STK10: variants seen among roughly 807,000 people sequenced by gnomAD.
STK10 encodes serine/threonine-protein kinase 10.
A neutral mutation model predicts 113.8 loss-of-function variants in STK10; 78 were observed. The ratio of observed to expected loss-of-function variants is 0.69; its 90% CI spans 0.57 to 0.83. The LOEUF (loss-of-function observed/expected upper bound fraction) is 0.83, where lower values mean the gene tolerates loss of function less well. STK10 is among the 40% of genes least tolerant of loss of function. The pLI is 0.00. For missense variants in STK10, 1,109 were observed against 1,280.1 expected, an observed-to-expected ratio of 0.87 and a Z score of 2.04; for synonymous variants, 465 against 494.7, an observed-to-expected ratio of 0.94 and a Z score of 0.80.
At chr5:172,128,628 A>T (rs1401480814) in intron 2 of STK10, among the ~76,000 whole-genome samples, 1 of 151,884 alleles carries the variant, frequency 6.6e-6, no homozygotes, top group Non-Finnish European at 1.5e-5. Context: ...ACCCTGCCTG[A>T]CCTCTTTTTT....
In STK10 at chr5:172,133,414, G is replaced by C. The variant is rs930252394; in HGVS notation, c.322-5993C>G. Among the ~76,000 whole-genome samples, 3 of 152,152 alleles carry C rather than the reference G, an allele frequency of 2.0e-5. No individual in the cohort carries two copies. Among genetic ancestry groups the C allele is most frequent in the African/African-American group, 7.2e-5 (3 of 41,414 alleles). On this transcript the variant is annotated intron_variant, in intron 2 of 18. Coordinates refer to ENST00000176763, the MANE Select transcript of STK10 (RefSeq NM_005990.4). This position sits in a 1 kb window ranked among gnomAD's most constrained non-coding sequence, Gnocchi z 4.9. ...ATACACCATGTCTTCCTTCCCCTTTGTGAAATAGCCATGAGAACTGGGTAG... is the reference window on the plus strand; with the variant it reads ...ATACACCATGTCTTCCTTCCCCTTTCTGAAATAGCCATGAGAACTGGGTAG...
chr5:172,151,624 G>A (rs1245250290), intron 2 of STK10, among the ~76,000 whole-genome samples: 1 of 152,090 alleles, frequency 6.6e-6, no homozygotes, highest in African/African-American at 2.4e-5. Flanking sequence ...GATTACAGGC[G>A]TGAGCCACTG....
Position 172,160,179 on chromosome 5 carries a change from C to T in STK10, c.157-3391G>A, listed in dbSNP as rs181897215. Reference sequence around the variant, plus strand: ...AAAAAACCACAAACACATTTCCCTACAAAATGGCCCCTAGCCAGGTGCGGT... The same window carrying T: ...AAAAAACCACAAACACATTTCCCTATAAAATGGCCCCTAGCCAGGTGCGGT... On this transcript the variant is annotated intron_variant, in intron 1 of 18. Transcript: ENST00000176763. 1.2e-3 allele frequency among the ~76,000 whole-genome samples: 173 copies of T among 148,906 alleles called. 1 individual carries two copies. Among genetic ancestry groups the T allele is most frequent in the Admixed American group, 5.4e-3 (81 of 14,914 alleles).
chr5:172,107,458 T>C (rs1769140145), intron 5 of STK10, among the ~76,000 whole-genome samples: 1 of 152,206 alleles, frequency 6.6e-6, no homozygotes, highest in South Asian at 2.1e-4. Context: ...CCTCAATACA[T>C]ACGTGGCGAA....
At chr5:172,053,923 G>A (rs1438476938) in intron 17 of STK10, among the ~76,000 whole-genome samples, 2 of 152,242 alleles carry the variant, frequency 1.3e-5, no homozygotes, top group Non-Finnish European at 2.9e-5. Context: ...TAGGAAAACG[G>A]ATGCGGAAGG....
chr5:172,050,227 T>G (rs1181462612), intron 18 of STK10, among the ~76,000 whole-genome samples: 1 of 152,212 alleles, frequency 6.6e-6, no homozygotes, highest in Non-Finnish European at 1.5e-5. Context: ...TCACAGCCCT[T>G]TAACGTCCTG....
At chr5:172,143,621 G>A (rs1256218717) in intron 2 of STK10, among the ~76,000 whole-genome samples, 1 of 152,222 alleles carries the variant, frequency 6.6e-6, no homozygotes, top group African/African-American at 2.4e-5. Context: ...CCATCCTTCT[G>A]TGGGGCTGTC....
At chr5:172,054,062 A>G (rs953147741) in intron 17 of STK10, among the ~76,000 whole-genome samples, 2 of 152,198 alleles carry the variant, frequency 1.3e-5, no homozygotes, top group Non-Finnish European at 2.9e-5. Flanking sequence ...CAACAGCCTG[A>G]GCAGTTCCTG....
At chr5:172,186,190 C>T (rs563404570) in intron 1 of STK10, among the ~76,000 whole-genome samples, 1 of 152,228 alleles carries the variant, frequency 6.6e-6, no homozygotes, top group South Asian at 2.1e-4. Flanking sequence ...AGGAGAATTG[C>T]TTGAACCCAG....
At chr5:172,144,771 G>A (rs777527341) in intron 2 of STK10, among the ~76,000 whole-genome samples, 1 of 152,160 alleles carries the variant, frequency 6.6e-6, no homozygotes, top group Non-Finnish European at 1.5e-5. Context: ...GTTCCTAAGC[G>A]TGTACGTGCC....
At chr5:172,124,951 C>T (rs1404552550) in intron 3 of STK10, among the ~76,000 whole-genome samples, 2 of 152,192 alleles carry the variant, frequency 1.3e-5, no homozygotes, top group Non-Finnish European at 2.9e-5. Context: ...ATTTCATCTT[C>T]ACATCATTTT....
intron 4 of STK10, among the ~76,000 whole-genome samples, chr5:172,116,644 G>A (rs1016820504): frequency 6.6e-6 from 1 of 151,954 alleles, no homozygotes; most frequent in African/African-American, 2.4e-5. Context: ...GAGGCGGGTG[G>A]TTCACTTGTG....
At chr5:172,159,579 T>C (rs1365427221) in intron 1 of STK10, among the ~76,000 whole-genome samples, 2 of 151,828 alleles carry the variant, frequency 1.3e-5, no homozygotes, top group Non-Finnish European at 2.9e-5. Flanking sequence ...CCTAGCACTT[T>C]GGGAGGCCGA....
At chr5:172,176,086 AAG>A (rs1770753503) in intron 1 of STK10, among the ~76,000 whole-genome samples, 1 of 152,204 alleles carries the variant, frequency 6.6e-6, no homozygotes, top group African/African-American at 2.4e-5. Flanking sequence ...GTCCTAGACT[AAG>A]TGGTTTCCAT....
At chr5:172,052,189 G>C (rs1767643188) in intron 18 of STK10, among the ~76,000 whole-genome samples, 2 of 152,194 alleles carry the variant, frequency 1.3e-5, no homozygotes. Flanking sequence ...CAAAGCACGA[G>C]GAGGTCTGAA....
intron 7 of STK10, among the ~76,000 whole-genome samples, chr5:172,099,836 T>C (rs775719915): frequency 6.6e-6 from 1 of 152,252 alleles, no homozygotes; most frequent in African/African-American, 2.4e-5. Flanking sequence ...ACACCAGGTT[T>C]TCATCGGGGC....
chr5:172,135,887 C>G (rs1344385357), intron 2 of STK10, among the ~76,000 whole-genome samples: 2 of 151,058 alleles, frequency 1.3e-5, no homozygotes, highest in African/African-American at 4.9e-5. Context: ...ATTTGCCAGG[C>G]TTGGTGGCAC....
At chr5:172,159,953 T>C (rs992470422) in intron 1 of STK10, among the ~76,000 whole-genome samples, 5 of 150,446 alleles carry the variant, frequency 3.3e-5, no homozygotes, top group Admixed American at 2.6e-4. Context: ...CTGACCAACA[T>C]GGTGAAACCC....
rs554620142 is a variant in STK10, at chr5:172,044,542, A to G, written c.*340T>C. On this transcript the variant is annotated 3_prime_UTR_variant, in exon 19 of 19. Transcript: ENST00000176763. This position sits in a 1 kb window ranked among gnomAD's most constrained non-coding sequence, Gnocchi z 4.5. ...CAGAGAGCAAAACTGGTATTTTCGC[A>G]AACAGGAGAGGACTCGAGGCCACAG... 32 of 324,884 alleles carry G rather than the reference A, an allele frequency of 9.8e-5. No homozygotes were observed. The South Asian group carries it at 1.1e-3, about 12-fold the overall frequency. 20.1% of individuals were successfully genotyped at this position (324,884 alleles called of 1,614,324 possible). A position where few individuals can be genotyped will look rare whatever the true frequency, so the allele number is the denominator to read the frequency against.
Sources: allele counts gnomAD v4.1 joint callset (sites outside exome capture counted in the v4.1 genomes callset), GRCh38; gene constraint gnomAD v4.1.1; non-coding constraint Gnocchi (gnomAD v3.1); transcripts MANE v1.5; gene names NCBI Gene and HGNC (gene_info 2026-07-23, HGNC 2026-07-21).